The following HCRTR2 variants were observed in gnomAD, a reference collection of about 807,000 sequenced individuals.
HCRTR2 encodes the protein hypocretin receptor 2, also known as orexin receptor type 2.
HCRTR2 carries 22 observed loss-of-function variants against 49.0 expected under a neutral mutation model. That is an observed-to-expected ratio of 0.45 (90% CI 0.32 to 0.64). The LOEUF is 0.64. HCRTR2 is among the 30% of genes least tolerant of loss of function. HCRTR2 has a pLI of 0.04. For missense variants in HCRTR2, 491 were observed against 559.4 expected (o/e 0.88, Z 1.23); for synonymous variants, 236 against 205.3 (o/e 1.15, Z -1.28).
intron 1 of HCRTR2, among the ~76,000 whole-genome samples, chr6:55,140,477 A>G (rs1764491721): frequency 1.3e-5 from 2 of 152,186 alleles, no homozygotes; most frequent in South Asian, 4.1e-4. Context: ...TCTTTTCAGA[A>G]GCAAATGGAG....
intron 1 of HCRTR2, among the ~76,000 whole-genome samples, chr6:55,107,888 G>C (rs1342617273): frequency 6.6e-6 from 1 of 151,794 alleles, no homozygotes; most frequent in Admixed American, 6.6e-5. Flanking sequence ...ATACTTCATG[G>C]GTGTTTCTAA....
At chr6:55,247,066 A>T (rs1766459055) in intron 1 of HCRTR2, among the ~76,000 whole-genome samples, 1 of 152,068 alleles carries the variant, frequency 6.6e-6, no homozygotes, top group Non-Finnish European at 1.5e-5. Context: ...AGTACCAGAA[A>T]TATAATATTT....
chr6:55,137,068 G>A lies in HCRTR2; in HGVS notation c.-378+30523G>A, dbSNP rs138000280. Among the ~76,000 whole-genome samples, 396 of 152,326 alleles carry A rather than the reference G, an allele frequency of 2.6e-3. 2 individuals are homozygous for A. Among genetic ancestry groups the A allele is most frequent in the African/African-American group, 9.1e-3 (379 of 41,582 alleles). On this transcript the variant is annotated intron_variant, in intron 1 of 7. Coordinates refer to the HCRTR2 transcript ENST00000615358. ...AACCAGAAAGGGAGGAGAATTGGAT[G>A]TGGGTAAGCATTAGGAGCCTTCTTT...
chr6:55,238,155 T>G (rs1242858224), intron 1 of HCRTR2, among the ~76,000 whole-genome samples: 1 of 152,168 alleles, frequency 6.6e-6, no homozygotes, highest in East Asian at 1.9e-4. Flanking sequence ...TATCTACTCT[T>G]ACAAAGCTAC....
At chr6:55,161,826 T>C (rs1269633136) in intron 1 of HCRTR2, among the ~76,000 whole-genome samples, 1 of 152,010 alleles carries the variant, frequency 6.6e-6, no homozygotes, top group African/African-American at 2.4e-5. Flanking sequence ...AGTCCTGAAA[T>C]TGAGGCAGTA....
intron 1 of HCRTR2, among the ~76,000 whole-genome samples, chr6:55,219,163 A>G (rs1351823176): frequency 6.6e-6 from 1 of 152,196 alleles, no homozygotes; most frequent in African/African-American, 2.4e-5. Context: ...CAGAAGATCA[A>G]TGAGAAGCGG....
intron 1 of HCRTR2, among the ~76,000 whole-genome samples, chr6:55,116,107 A>G (rs991996274): frequency 4.6e-5 from 7 of 151,590 alleles, no homozygotes; most frequent in African/African-American, 1.7e-4. Flanking sequence ...GTGCTGTGGT[A>G]ATAGAAATTT....
At chr6:55,133,196 T>TA (rs373033101) in intron 1 of HCRTR2, among the ~76,000 whole-genome samples, 3 of 151,906 alleles carry the variant, frequency 2.0e-5, no homozygotes, top group Non-Finnish European at 4.4e-5. Flanking sequence ...AAATTTTTTT[T>TA]ACCTCGGTAC....
chr6:55,123,938 G>A (rs1380188991), intron 1 of HCRTR2, among the ~76,000 whole-genome samples: 1 of 152,002 alleles, frequency 6.6e-6, no homozygotes, highest in Non-Finnish European at 1.5e-5. Context: ...ATTCTCTGAT[G>A]GTAGTTTGTA....
At chr6:55,236,119 T>C (rs1349336445) in intron 1 of HCRTR2, among the ~76,000 whole-genome samples, 2 of 152,048 alleles carry the variant, frequency 1.3e-5, no homozygotes, top group Non-Finnish European at 1.5e-5. Context: ...ACAATACTTA[T>C]TCTTCGATTC....
chr6:55,259,587 A>G (rs1385626885), intron 3 of HCRTR2, among the ~76,000 whole-genome samples: 5 of 151,942 alleles, frequency 3.3e-5, no homozygotes, highest in African/African-American at 1.2e-4. Flanking sequence ...CCTGTCAAAT[A>G]TACAATATAA....
chr6:55,245,073 T>C (rs1320919481), intron 1 of HCRTR2, among the ~76,000 whole-genome samples: 1 of 151,922 alleles, frequency 6.6e-6, no homozygotes, highest in Non-Finnish European at 1.5e-5. Context: ...ACTATAGGCT[T>C]ATAGCATAAT....
chr6:55,213,606 C>T (rs1765733720), intron 1 of HCRTR2, among the ~76,000 whole-genome samples: 1 of 152,164 alleles, frequency 6.6e-6, no homozygotes, highest in African/African-American at 2.4e-5. Context: ...ATTTGTTGTA[C>T]TCACTCTTCA....
intron 1 of HCRTR2, among the ~76,000 whole-genome samples, chr6:55,118,583 A>G (rs1581780774): frequency 6.6e-6 from 1 of 151,600 alleles, no homozygotes; most frequent in Admixed American, 6.6e-5. Flanking sequence ...ACTTTTTAAT[A>G]ATAGCCATTC....
At chr6:55,259,222 TAAA>T (rs11335998) in intron 3 of HCRTR2, among the ~76,000 whole-genome samples, 1 of 148,082 alleles carries the variant, frequency 6.8e-6, no homozygotes. Context: ...TTTGGTAGGC[TAAA>T]AAAAAAAAAA....
chr6:55,112,827 C>G (rs893830011), intron 1 of HCRTR2, among the ~76,000 whole-genome samples: 1 of 151,624 alleles, frequency 6.6e-6, no homozygotes, highest in Non-Finnish European at 1.5e-5. Flanking sequence ...GCCCACATAG[C>G]CAAAGCAAAA....
chr6:55,107,984 T>C (rs981655726), intron 1 of HCRTR2, among the ~76,000 whole-genome samples: 2 of 152,152 alleles, frequency 1.3e-5, no homozygotes, highest in African/African-American at 4.8e-5. Flanking sequence ...TCCATACTTT[T>C]GGTTGAAAAT....
At chr6:55,259,594 A>G (rs1348724559) in intron 3 of HCRTR2, among the ~76,000 whole-genome samples, 7 of 151,954 alleles carry the variant, frequency 4.6e-5, no homozygotes, top group Non-Finnish European at 8.8e-5. Context: ...AATATACAAT[A>G]TAACTCTTTA....
intron 1 of HCRTR2, among the ~76,000 whole-genome samples, chr6:55,118,257 T>G (rs146431845): frequency 1.3e-5 from 2 of 152,106 alleles, no homozygotes; most frequent in African/African-American, 4.8e-5. Context: ...CTGCATAGTA[T>G]TTCATGGTGT....
Sources: gnomAD v4.1 joint callset for allele counts (sites outside exome capture counted in the v4.1 genomes callset) on GRCh38, gnomAD v4.1.1 for gene constraint, MANE v1.5 for transcripts, NCBI Gene and HGNC (gene_info 2026-07-23, HGNC 2026-07-21) for gene names.